The following PTPRN2 variants were observed in gnomAD, a reference collection of about 807,000 sequenced individuals.
The protein encoded by PTPRN2 is receptor-type tyrosine-protein phosphatase N2.
PTPRN2 carries 74 observed loss-of-function variants against 118.8 expected under a neutral mutation model. That is an observed-to-expected ratio of 0.62 (90% CI 0.52 to 0.76). The LOEUF (loss-of-function observed/expected upper bound fraction) is 0.76, where lower values mean the gene tolerates loss of function less well. PTPRN2 is among the 30% of genes least tolerant of loss of function. The pLI is 0.00. For synonymous variants in PTPRN2, 641 were observed against 608.0 expected, an observed-to-expected ratio of 1.05 and a Z score of -0.80; for missense variants, 1,481 against 1,394.4, an observed-to-expected ratio of 1.06 and a Z score of -0.99.
intron 2 of PTPRN2, among the ~76,000 whole-genome samples, chr7:158,372,289 CCCGG>C: frequency 6.6e-6 from 1 of 151,396 alleles, no homozygotes. Context: ...AACGCTGGTC[CCCGG>C]AGCTGGTCCC....
At position 157,560,182 on chromosome 7, in the gene PTPRN2, C is replaced by A. The variant is rs1446907223; in HGVS notation, c.2902+8720G>T. 6.6e-6 allele frequency among the ~76,000 whole-genome samples: 1 copy of A among 152,158 alleles called. No individual in the cohort carries two copies. The highest frequency in any genetic ancestry group is 1.5e-5 in the Non-Finnish European group (1 of 68,022). Reference sequence around the variant, plus strand: ...AGGAGTGGGTGAGGAGCCCCTGCAGCCAGGCTATGTGAACCCTGGCTCAGC... The same window carrying A: ...AGGAGTGGGTGAGGAGCCCCTGCAGACAGGCTATGTGAACCCTGGCTCAGC... On this transcript the variant is annotated intron_variant, in intron 21 of 22. Transcript: ENST00000389418. This position sits in a 1 kb window ranked among gnomAD's most constrained non-coding sequence, Gnocchi z 6.7.
At chr7:158,424,043 G>A (rs1274190053) in intron 2 of PTPRN2, among the ~76,000 whole-genome samples, 2 of 152,180 alleles carry the variant, frequency 1.3e-5, no homozygotes, top group Admixed American at 6.5e-5. Context: ...CAAGGTCTCC[G>A]AGCAGAGAGG....
intron 14 of PTPRN2, among the ~76,000 whole-genome samples, chr7:157,648,463 CGG>C (rs1563299865): frequency 4.0e-4 from 41 of 101,494 alleles, no homozygotes; most frequent in African/African-American, 1.2e-3. Context: ...CTCGGTGGGT[CGG>C]ACCCATCCAG....
intron 3 of PTPRN2, among the ~76,000 whole-genome samples, chr7:158,301,554 A>G (rs567546883): frequency 1.4e-4 from 21 of 152,336 alleles, no homozygotes; most frequent in Admixed American, 3.9e-4. Context: ...TGAACCTTCA[A>G]CATCATTAGG....
chr7:158,397,500 T>C (rs900720805), intron 2 of PTPRN2, among the ~76,000 whole-genome samples: 2 of 152,220 alleles, frequency 1.3e-5, no homozygotes, highest in Non-Finnish European at 1.5e-5. Context: ...ACACTCCTCC[T>C]GTGCCCTGCA....
chr7:157,882,714 C>G, intron 12 of PTPRN2, among the ~76,000 whole-genome samples: 1 of 151,160 alleles, frequency 6.6e-6, no homozygotes, highest in Non-Finnish European at 1.5e-5. Flanking sequence ...AATACACCAC[C>G]CCAAAAAACT....
chr7:157,855,841 T>C (rs1029611304), intron 12 of PTPRN2: 1 of 152,278 alleles, frequency 6.6e-6, no homozygotes, highest in East Asian at 1.9e-4. Flanking sequence ...TCTCTAAAAG[T>C]ACTCTGGTGA....
intron 11 of PTPRN2, among the ~76,000 whole-genome samples, chr7:157,932,916 G>A (rs1799451135): frequency 6.7e-6 from 1 of 150,348 alleles, no homozygotes; most frequent in South Asian, 2.1e-4. Context: ...GAGAAGGGGT[G>A]AGTCGCTCTG....
At chr7:158,469,122 T>TGCACA (rs1301344649) in intron 2 of PTPRN2, among the ~76,000 whole-genome samples, 1 of 151,818 alleles carries the variant, frequency 6.6e-6, no homozygotes, top group African/African-American at 2.4e-5. Context: ...ATCAACAGTG[T>TGCACA]CAGGCTTTCA....
Position 158,093,782 on chromosome 7 carries a change from T to A in PTPRN2, c.1644-12405A>T, listed in dbSNP as rs1185866057. Among the ~76,000 whole-genome samples the A allele has an allele frequency of 6.6e-6, 1 of 152,142 alleles. No homozygotes were observed. The highest frequency in any genetic ancestry group is 1.5e-5 in the Non-Finnish European group (1 of 68,034). The stretch of plus-strand genomic sequence containing the variant: ...TGCCTCTCGTACATGAGGCAATAAC[T>A]TCCCAAAATATCTAGCCTAAGAGCT... On this transcript the variant is annotated intron_variant, in intron 10 of 22. Transcript: ENST00000389418. The surrounding 1 kb of genome is among the most constrained non-coding windows in gnomAD (Gnocchi z 4.4).
intron 3 of PTPRN2, among the ~76,000 whole-genome samples, chr7:158,241,603 A>C (rs527819046): frequency 6.6e-6 from 1 of 152,354 alleles, no homozygotes; most frequent in South Asian, 2.1e-4. Flanking sequence ...AGTACGAATC[A>C]TCACACCCAA....
chr7:157,924,464 C>T (rs776134316), intron 11 of PTPRN2, among the ~76,000 whole-genome samples: 3 of 152,234 alleles, frequency 2.0e-5, no homozygotes, highest in Non-Finnish European at 4.4e-5. Flanking sequence ...ATCTCCCTAC[C>T]CTGGACGCCT....
chr7:158,097,189 A>C (rs1420472681), intron 10 of PTPRN2, among the ~76,000 whole-genome samples: 1 of 131,902 alleles, frequency 7.6e-6, no homozygotes, highest in African/African-American at 2.9e-5. Flanking sequence ...GTTTCCCGGC[A>C]AACCCCAGGG....
intron 1 of PTPRN2, among the ~76,000 whole-genome samples, chr7:158,521,329 C>T (rs1823980085): frequency 6.6e-6 from 1 of 152,214 alleles, no homozygotes; most frequent in South Asian, 2.1e-4. Context: ...CGAAACCACA[C>T]AGTTAGTTGC....
chr7:158,550,492 G>T (rs1826577131), intron 1 of PTPRN2, among the ~76,000 whole-genome samples: 1 of 152,250 alleles, frequency 6.6e-6, no homozygotes, highest in Admixed American at 6.5e-5. Flanking sequence ...AGGGAGAGGG[G>T]CTTGCAGGCC....
intron 14 of PTPRN2, among the ~76,000 whole-genome samples, chr7:157,651,972 C>T (rs973700937): frequency 2.0e-5 from 3 of 152,254 alleles, no homozygotes; most frequent in African/African-American, 4.8e-5. Context: ...CAGTCCAAGG[C>T]AGGGGCACGG....
At chr7:158,457,995 G>A (rs1263697598) in intron 2 of PTPRN2, among the ~76,000 whole-genome samples, 4 of 152,194 alleles carry the variant, frequency 2.6e-5, no homozygotes, top group Non-Finnish European at 5.9e-5. Flanking sequence ...TTAGAAATTG[G>A]GAGTGAGAAG....
chr7:157,814,497 CACGGGGCAGG>C (rs1293652366), intron 12 of PTPRN2, among the ~76,000 whole-genome samples: 13 of 125,618 alleles, frequency 1.0e-4, no homozygotes, highest in East Asian at 4.2e-4. Context: ...AGAGGAGAGA[CACGGGGCAGG>C]ACGGGGCAGG....
At chr7:158,266,493 A>G (rs2335325) in intron 3 of PTPRN2, among the ~76,000 whole-genome samples, 41,096 of 118,066 alleles carry the variant, frequency 0.35, 6,015 homozygotes, top group Middle Eastern at 0.45. Flanking sequence ...TGTCCGCTGC[A>G]GTGTGATGTC....
Sources: gnomAD v4.1 joint callset for allele counts (sites outside exome capture counted in the v4.1 genomes callset) on GRCh38, gnomAD v4.1.1 for gene constraint, Gnocchi (gnomAD v3.1) non-coding constraint, MANE v1.5 for transcripts, NCBI Gene and HGNC (gene_info 2026-07-23, HGNC 2026-07-21) for gene names.